Variants in LCP1 observed in about 807,000 individuals in gnomAD.
LCP1 encodes plastin-2.
Under a neutral mutation model 72.0 loss-of-function variants are expected in LCP1, and 23 were observed. The observed-to-expected ratio is 0.32, with a 90% CI of 0.23 to 0.45. The LOEUF is 0.45. Ranked by LOEUF, LCP1 falls within the 20% of genes least tolerant of loss-of-function variation. The pLI, the probability that LCP1 is intolerant of heterozygous loss-of-function variation, is 1.00. For missense variants in LCP1, 571 were observed against 748.3 expected (o/e 0.76, Z 2.76); for synonymous variants, 245 against 275.4 (o/e 0.89, Z 1.09).
intron 1 of LCP1, among the ~76,000 whole-genome samples, chr13:46,160,785 G>C (rs2045833334): frequency 6.6e-6 from 1 of 152,202 alleles, no homozygotes; most frequent in Non-Finnish European, 1.5e-5. Context: ...GAACTTACTG[G>C]TGCAGAGGGG....
intron 14 of LCP1, among the ~76,000 whole-genome samples, chr13:46,133,109 T>C (rs1182513919): frequency 6.6e-6 from 1 of 152,146 alleles, no homozygotes; most frequent in Non-Finnish European, 1.5e-5. Flanking sequence ...AAATGAGATT[T>C]AGATAGAAGT....
At chr13:46,154,970 C>A in intron 5 of LCP1, 84 bp from the exon 6 acceptor site, 1 of 1,001,748 alleles carries the variant, frequency 1.0e-6, no homozygotes, top group Non-Finnish European at 1.6e-6. Context: ...CTAGCAATAC[C>A]ATAATCAAAG....
intron 13 of LCP1, among the ~76,000 whole-genome samples, chr13:46,138,903 T>C (rs959183802): frequency 3.9e-5 from 6 of 152,166 alleles, no homozygotes; most frequent in African/African-American, 1.4e-4. Context: ...CGCCTCGGCC[T>C]CCCAAAGTAC....
intron 13 of LCP1, among the ~76,000 whole-genome samples, chr13:46,138,917 G>T (rs60604459): frequency 0.013 from 1,958 of 152,176 alleles, 43 homozygotes; most frequent in African/African-American, 0.043. Flanking sequence ...AAAGTACTGG[G>T]ATTACAGTAT....
Position 46,142,441 on chromosome 13 carries a change from G to T in LCP1, c.1369-16C>A. On this transcript the variant is annotated splice_polypyrimidine_tract_variant and intron_variant, in intron 12 of 15. Transcript: ENST00000323076. ...AATTCTCAAGCTGAATGAGCAGAAA[G>T]GAAAACGATTTAACGTCATCATCTT... 6.2e-7 allele frequency: 1 copy of T among 1,611,086 alleles called. No individual in the cohort carries two copies. Among genetic ancestry groups the T allele is most frequent in the Non-Finnish European group, 8.5e-7 (1 of 1,177,888 alleles).
At chr13:46,142,576 C>A in intron 12 of LCP1, 151 bp from the exon 13 acceptor site, 1 of 814,780 alleles carries the variant, frequency 1.2e-6, no homozygotes, top group Non-Finnish European at 1.9e-6. Flanking sequence ...TTCTAGGATT[C>A]AAAATTAAAG....
intron 1 of LCP1, among the ~76,000 whole-genome samples, chr13:46,179,485 A>G (rs1593968992): frequency 6.6e-6 from 1 of 152,336 alleles, no homozygotes; most frequent in East Asian, 1.9e-4. Context: ...ACTTGAAACT[A>G]AGACAATGTG....
chr13:46,165,625 G>A (rs1210498332), intron 1 of LCP1, among the ~76,000 whole-genome samples: 1 of 152,112 alleles, frequency 6.6e-6, no homozygotes, highest in Non-Finnish European at 1.5e-5. Flanking sequence ...ATAAGTGAGT[G>A]GTTTCTTCAG....
chr13:46,130,591 T>G (rs889864210), intron 15 of LCP1, among the ~76,000 whole-genome samples: 4 of 148,804 alleles, frequency 2.7e-5, no homozygotes, highest in African/African-American at 1.0e-4. Flanking sequence ...TTGGGTTGTT[T>G]TTTTTTTTTT....
chr13:46,140,076 C>T (rs915099538), intron 13 of LCP1, among the ~76,000 whole-genome samples: 1 of 152,160 alleles, frequency 6.6e-6, no homozygotes, highest in Non-Finnish European at 1.5e-5. Context: ...GGAGAAAACC[C>T]AAACAGCTGG....
intron 1 of LCP1, among the ~76,000 whole-genome samples, chr13:46,178,585 A>T (rs998461231): frequency 2.0e-5 from 3 of 152,212 alleles, no homozygotes; most frequent in African/African-American, 7.2e-5. Context: ...ATCTGGCAAA[A>T]TAGGAACACT....
At chr13:46,159,966 C>A (rs928636713) in intron 1 of LCP1, among the ~76,000 whole-genome samples, 1 of 152,164 alleles carries the variant, frequency 6.6e-6, no homozygotes, top group African/African-American at 2.4e-5. Flanking sequence ...AGAATCTGGG[C>A]TGGTTTTTTA....
chr13:46,180,017 C>T (rs150784189), intron 1 of LCP1, among the ~76,000 whole-genome samples: 1,723 of 152,114 alleles, frequency 0.011, 34 homozygotes, highest in African/African-American at 0.039. Flanking sequence ...CTTTTATTCT[C>T]TCTTAAAACT....
chr13:46,159,058 G>A, intron 2 of LCP1, 69 bp from the exon 3 acceptor site: 1 of 1,441,236 alleles, frequency 6.9e-7, no homozygotes. Flanking sequence ...GGTGAGGGAA[G>A]ACTAGATGGA....
intron 13 of LCP1, among the ~76,000 whole-genome samples, chr13:46,142,001 T>C (rs186584650): frequency 2.6e-4 from 40 of 152,158 alleles, no homozygotes; most frequent in Non-Finnish European, 4.6e-4. Context: ...GAGAAAAGAA[T>C]ATTAGTAGGC....
chr13:46,132,679 A>C (rs756699602), intron 14 of LCP1, among the ~76,000 whole-genome samples: 40 of 152,212 alleles, frequency 2.6e-4, no homozygotes, highest in Non-Finnish European at 4.7e-4. Flanking sequence ...TTTCTGGAAG[A>C]ATCTGCTTGC....
chr13:46,180,023 A>C (rs955395898), intron 1 of LCP1, among the ~76,000 whole-genome samples: 1 of 151,910 alleles, frequency 6.6e-6, no homozygotes, highest in Non-Finnish European at 1.5e-5. Context: ...TTCTCTCTTA[A>C]AACTGTGAGT....
At chr13:46,169,332 G>A (rs1440212249) in intron 1 of LCP1, 1 of 152,188 alleles carries the variant, frequency 6.6e-6, no homozygotes, top group Admixed American at 6.5e-5. Context: ...CACTGTTCAG[G>A]TTTAGGCTGC....
At chr13:46,129,803 G>C (rs2138213252) in intron 15 of LCP1, among the ~76,000 whole-genome samples, 1 of 152,284 alleles carries the variant, frequency 6.6e-6, no homozygotes, top group East Asian at 1.9e-4. Flanking sequence ...CAGCACCTCA[G>C]AGTATGACCC....
Sources: allele counts gnomAD v4.1 joint callset (sites outside exome capture counted in the v4.1 genomes callset), GRCh38; gene constraint gnomAD v4.1.1; transcripts MANE v1.5; gene names NCBI Gene and HGNC (gene_info 2026-07-23, HGNC 2026-07-21).